MTERF2: variants seen among roughly 807,000 people sequenced by gnomAD.
The protein encoded by MTERF2 is mitochondrial transcription termination factor 2, also known as transcription termination factor 2, mitochondrial.
MTERF2 carries 23 observed loss-of-function variants against 29.2 expected under a neutral mutation model. The ratio of observed to expected loss-of-function variants is 0.79; its 90% confidence interval spans 0.57 to 1.12. MTERF2 has a LOEUF of 1.12. MTERF2 is among the 50% of genes most tolerant of loss of function. The pLI is 0.00. For missense variants in MTERF2, 440 were observed against 429.4 expected, an observed-to-expected ratio of 1.02 and a Z score of -0.22; for synonymous variants, 157 against 159.5, an observed-to-expected ratio of 0.98 and a Z score of 0.12.
rs1218439977 is a variant in MTERF2, at chr12:106,980,984, A to C, written c.-57-2213T>G. 2.0e-5 allele frequency among the ~76,000 whole-genome samples: 3 copies of C among 152,234 alleles called. No individual in the cohort carries two copies. The East Asian group carries it at 5.8e-4, about 29-fold the overall frequency. ...TAGAATTTTCTTCAGATAATTCCTA[A>C]TACTGTTAAGCCAAGATGAAAATAT... On this transcript the variant is annotated intron_variant, in intron 2 of 2. Coordinates refer to ENST00000240050, the MANE Select transcript of MTERF2 (RefSeq NM_001033050.3).
At position 106,978,622 on chromosome 12, in the gene MTERF2, T is replaced by C. The variant is rs945982810; in HGVS notation, c.93A>G (p.Ala31=). 3 of 1,614,220 alleles carry C rather than the reference T, an allele frequency of 1.9e-6. No individual in the cohort carries two copies. Among genetic ancestry groups the C allele is most frequent in the Admixed American group, 1.7e-5 (1 of 60,020 alleles). Reference sequence around the variant, plus strand: ...GTTTATCAGTTGTATAGGTGAAGCATGCTAAGAAAGGTCTGTATTTTGGAG... The same window carrying C: ...GTTTATCAGTTGTATAGGTGAAGCACGCTAAGAAAGGTCTGTATTTTGGAG... ...RSPPKYRPFL[A]CFTYTTDKQS... The change falls in exon 3 of 3, where the codon GCA becomes GCG. Residue 31 remains alanine, a synonymous_variant. Transcript: ENST00000240050.
At chr12:106,984,299 C>G (rs937419044) in intron 2 of MTERF2, among the ~76,000 whole-genome samples, 5 of 152,208 alleles carry the variant, frequency 3.3e-5, no homozygotes, top group African/African-American at 1.2e-4. Flanking sequence ...TGCCCAAACC[C>G]TATCTTTCTC....
At chr12:106,980,709 C>G (rs916616484) in intron 2 of MTERF2, 8 of 152,168 alleles carry the variant, frequency 5.3e-5, no homozygotes, top group African/African-American at 1.9e-4. Context: ...TCACTCTTTA[C>G]AGGTCTGAAA....
rs576027108 is a variant in MTERF2 at position 106,984,872 on chromosome 12, C to G, written c.-58+243G>C. 2.0e-5 allele frequency among the ~76,000 whole-genome samples: 3 copies of G among 152,296 alleles called. No individual in the cohort carries two copies. In the South Asian group the frequency reaches 6.2e-4, roughly 32 times the overall value. On this transcript the variant is annotated intron_variant, in intron 2 of 2. Transcript: ENST00000240050. ...TGCCCAGTCTTGGCTATGTCTTTATCAGCAGCATGAAAAAGGACTAATACA... is the reference window on the plus strand; with the variant it reads ...TGCCCAGTCTTGGCTATGTCTTTATGAGCAGCATGAAAAAGGACTAATACA...
Position 106,978,118 on chromosome 12 carries a change from A to C in MTERF2, c.597T>G (p.Gly199=). ...RILQESYLDV[G]GSEANMKVWL... is the part of the protein sequence containing the mutation. ...AAACTTTCATGTTGGCCTCAGAGCC[A>C]CCTACATCTAGATAACTCTCTTGGA... is the stretch of plus-strand genomic sequence containing the variant. The change falls in exon 3 of 3, where the codon GGT becomes GGG. Residue 199 remains glycine (G), a synonymous_variant. Transcript: ENST00000240050. The C allele has an allele frequency of 5.0e-6, 8 of 1,614,106 alleles. No individual in the cohort carries two copies. Among genetic ancestry groups the C allele is most frequent in the Admixed American group, 1.7e-5 (1 of 60,018 alleles).
At chr12:106,981,883 T>C (rs1476499800) in intron 2 of MTERF2, among the ~76,000 whole-genome samples, 2 of 152,154 alleles carry the variant, frequency 1.3e-5, no homozygotes, top group African/African-American at 4.8e-5. Context: ...CAATGCACAT[T>C]CAATGTGGAA....
In MTERF2 at chr12:106,977,511, T is replaced by C; in HGVS notation, c.*46A>G. The C allele has an allele frequency of 6.5e-7, 1 of 1,528,858 alleles. No individual in the cohort carries two copies. The highest frequency in any genetic ancestry group is 1.4e-5 in the African/African-American group (1 of 72,034). 94.7% of individuals were successfully genotyped at this position (1,528,858 alleles called of 1,614,324 possible). A position where few individuals can be genotyped will look rare whatever the true frequency, so the allele number is the denominator to read the frequency against. ...TGCCTGAATTTTTGTCTTTGCTAGT[T>C]AGTTTCACCCTGCACTGCTAGAAAG... On this transcript the variant is annotated 3_prime_UTR_variant, in exon 3 of 3. Coordinates refer to ENST00000240050, the MANE Select transcript of MTERF2 (RefSeq NM_001033050.3).
rs770667691 is a variant in MTERF2 at position 106,978,527 on chromosome 12, C to T, written c.188G>A (p.Arg63His). The T allele has an allele frequency of 2.2e-5, 36 of 1,614,234 alleles. No homozygotes were observed. Among genetic ancestry groups the T allele is most frequent in the Non-Finnish European group, 3.1e-5 (36 of 1,180,028 alleles). Residue 63 changes from arginine (R) to histidine (H), a missense_variant, in exon 3 of 3, where the codon CGT (arginine) becomes CAT (histidine). Coordinates refer to ENST00000240050, the MANE Select transcript of MTERF2 (RefSeq NM_001033050.3). ...TAAAAGTACCCATCCTTTTAATCTA[C>T]GAATTTTCCTAATGTCAACTGAACA... is the stretch of plus-strand genomic sequence containing the variant. ...YKCSVDIRKI[R>H]RLKGWVLLED...
At chr12:106,981,897 T>A (rs768017042) in intron 2 of MTERF2, among the ~76,000 whole-genome samples, 1 of 152,092 alleles carries the variant, frequency 6.6e-6, no homozygotes, top group East Asian at 1.9e-4. Flanking sequence ...TGTGGAAAAA[T>A]TGCCAACTTC....
intron 2 of MTERF2, among the ~76,000 whole-genome samples, chr12:106,981,184 C>G (rs909145050): frequency 7.2e-5 from 11 of 152,168 alleles, no homozygotes; most frequent in African/African-American, 2.7e-4. Flanking sequence ...GGGCTGCTGC[C>G]AACCACCCAC....
rs759808681 is a variant in MTERF2 at position 106,978,593 on chromosome 12, G to A, written c.122C>T (p.Ser41Leu). 5 of 1,613,988 alleles carry A rather than the reference G, an allele frequency of 3.1e-6. No homozygotes were observed. The highest frequency in any genetic ancestry group is 4.5e-5 in the East Asian group (2 of 44,878). The part of the protein sequence containing the change: ...ACFTYTTDKQ[S>L]SKENTRTVEK... ...CACTGTTCTTGTATTTTCTTTGCTC[G>A]ACTGTTTATCAGTTGTATAGGTGAA... is the stretch of plus-strand genomic sequence containing the variant. The change falls in exon 3 of 3, where the codon TCG becomes TTG. Residue 41 changes from serine (S) to leucine (L), a missense_variant. Ser to Leu is a moderately radical substitution (Grantham distance 145). Coordinates refer to ENST00000240050, the MANE Select transcript of MTERF2 (RefSeq NM_001033050.3).
chr12:106,978,990 G>A (rs1265465416), intron 2 of MTERF2, among the ~76,000 whole-genome samples: 1 of 151,706 alleles, frequency 6.6e-6, no homozygotes, highest in African/African-American at 2.4e-5. Flanking sequence ...TTGCACTCCA[G>A]ACGGGGCAAC....
chr12:106,983,189 C>A (rs1952071293), intron 2 of MTERF2, among the ~76,000 whole-genome samples: 1 of 152,094 alleles, frequency 6.6e-6, no homozygotes, highest in Non-Finnish European at 1.5e-5. Context: ...AAAAAATTTA[C>A]CATTTAAACC....
intron 2 of MTERF2, among the ~76,000 whole-genome samples, chr12:106,981,603 T>C (rs1280597429): frequency 6.6e-6 from 1 of 151,194 alleles, no homozygotes; most frequent in East Asian, 2.0e-4. Context: ...TCACTGCAAC[T>C]TCTGCTTCCT....
intron 2 of MTERF2, among the ~76,000 whole-genome samples, chr12:106,979,940 C>T (rs571150775): frequency 2.0e-5 from 3 of 152,204 alleles, no homozygotes; most frequent in South Asian, 2.1e-4. Flanking sequence ...TCTCTGTTGC[C>T]AGGCTGGAAT....
intron 2 of MTERF2, among the ~76,000 whole-genome samples, chr12:106,982,301 C>A (rs1387510250): frequency 2.0e-5 from 3 of 152,206 alleles, no homozygotes; most frequent in Non-Finnish European, 2.9e-5. Context: ...GTTCTGAATT[C>A]AGCCTATAAA....
intron 1 of MTERF2, chr12:106,986,584 T>C (rs1206291853): frequency 6.6e-6 from 1 of 152,210 alleles, no homozygotes. Flanking sequence ...TAAATGTTTG[T>C]TAAATCACAA....
chr12:106,982,513 CAT>C (rs1205707698), intron 2 of MTERF2, among the ~76,000 whole-genome samples: 2 of 152,142 alleles, frequency 1.3e-5, no homozygotes, highest in Non-Finnish European at 2.9e-5. Flanking sequence ...GTAATGAACA[CAT>C]AATACATATA....
At chr12:106,982,533 C>T (rs1220264435) in intron 2 of MTERF2, among the ~76,000 whole-genome samples, 1 of 151,764 alleles carries the variant, frequency 6.6e-6, no homozygotes, top group Non-Finnish European at 1.5e-5. Context: ...ATATTTGTAT[C>T]TAATTTATCT....
Sources: gnomAD v4.1 joint callset for allele counts (sites outside exome capture counted in the v4.1 genomes callset) on GRCh38, gnomAD v4.1.1 for gene constraint, MANE v1.5 for transcripts, NCBI Gene and HGNC (gene_info 2026-07-23, HGNC 2026-07-21) for gene names.